The following RGS3 variants were observed in gnomAD, a reference collection of about 807,000 sequenced individuals.
The protein encoded by RGS3 is regulator of G protein signaling 3, also known as regulator of G-protein signalling 3.
A neutral mutation model predicts 132.6 loss-of-function variants in RGS3; 80 were observed. The observed-to-expected ratio is 0.60, with a 90% confidence interval of 0.50 to 0.73. The LOEUF is 0.73. Among genes scored for constraint, RGS3 ranks in the 30% least tolerant of loss-of-function variants. The pLI, the probability that RGS3 is intolerant of heterozygous loss-of-function variation, is 0.00. For synonymous variants in RGS3, 598 were observed against 620.6 expected (o/e 0.96, Z 0.54); for missense variants, 1,382 against 1,530.8 (o/e 0.90, Z 1.62).
At chr9:113,516,105 G>T (rs982640796) in intron 15 of RGS3, among the ~76,000 whole-genome samples, 3 of 152,198 alleles carry the variant, frequency 2.0e-5, no homozygotes, top group Non-Finnish European at 2.9e-5. Flanking sequence ...CTTATCAGCA[G>T]CATAGACATG....
chr9:113,595,571 C>T, intron 23 of RGS3, 28 bp from the exon 22 acceptor site: 2 of 1,608,914 alleles, frequency 1.2e-6, no homozygotes, highest in Non-Finnish European at 1.7e-6. Context: ...GAGTTTGCCT[C>T]TTACCCCAGG....
At chr9:113,593,973 G>A (rs199695671) in intron 21 of RGS3, 75 of 1,612,932 alleles carry the variant, frequency 4.6e-5, no homozygotes, top group African/African-American at 1.2e-4. Flanking sequence ...CTGCCGGGGC[G>A]GCCCCAGAGG....
chr9:113,558,513 A>G (rs192439439), intron 19 of RGS3, among the ~76,000 whole-genome samples: 1 of 152,168 alleles, frequency 6.6e-6, no homozygotes, highest in East Asian at 1.9e-4. Flanking sequence ...TAAAGAAAAA[A>G]AAAAGTCTAG....
chr9:113,498,055 A>G, exon 10 of RGS3: 1 of 1,614,022 alleles, frequency 6.2e-7, no homozygotes, highest in South Asian at 1.1e-5. Context: ...GGAGGTGGGG[A>G]CACTGAGAAT....
chr9:113,493,293 T>C (rs1830580477), intron 7 of RGS3, among the ~76,000 whole-genome samples: 1 of 152,206 alleles, frequency 6.6e-6, no homozygotes, highest in Non-Finnish European at 1.5e-5. Context: ...AAGGGCACTT[T>C]ATTGGGGTGA....
chr9:113,454,164 T>C (rs1588126853), intron 1 of RGS3, among the ~76,000 whole-genome samples: 2 of 152,196 alleles, frequency 1.3e-5, no homozygotes, highest in East Asian at 3.8e-4. Context: ...CTCCTTATTA[T>C]GGTTCATATT....
intron 22 of RGS3, 36 bp from the exon 21 acceptor site, chr9:113,594,883 C>T (rs1325455085): frequency 3.7e-6 from 6 of 1,601,176 alleles, no homozygotes; most frequent in Non-Finnish European, 5.1e-6. Flanking sequence ...CCAAGCCTCT[C>T]AGTGCCCTCA....
At chr9:113,525,894 G>T (rs903224542) in intron 17 of RGS3, among the ~76,000 whole-genome samples, 5 of 152,318 alleles carry the variant, frequency 3.3e-5, no homozygotes, top group Middle Eastern at 3.4e-3. Flanking sequence ...GGAGCTGGGG[G>T]TGCACCTCTC....
At chr9:113,568,142 A>G (rs1477970785) in intron 19 of RGS3, among the ~76,000 whole-genome samples, 1 of 152,264 alleles carries the variant, frequency 6.6e-6, no homozygotes, top group Non-Finnish European at 1.5e-5. Context: ...CTGAGGTGAC[A>G]TGCGACTCAG....
At chr9:113,456,966 T>C (rs1246884074), upstream of RGS3, among the ~76,000 whole-genome samples, 2 of 152,078 alleles carry the variant, frequency 1.3e-5, no homozygotes, top group Non-Finnish European at 2.9e-5. Flanking sequence ...CACTGGCTAA[T>C]TTTGTATTTT....
At chr9:113,577,730 G>A (rs1834597740) in intron 19 of RGS3, among the ~76,000 whole-genome samples, 1 of 152,158 alleles carries the variant, frequency 6.6e-6, no homozygotes, top group African/African-American at 2.4e-5. Flanking sequence ...GCCCCGCCCT[G>A]CCCCTTGAGC....
chr9:113,475,157 C>T (rs1281902274), intron 3 of RGS3, among the ~76,000 whole-genome samples: 1 of 152,190 alleles, frequency 6.6e-6, no homozygotes, highest in East Asian at 1.9e-4. Context: ...TCTATTCTCC[C>T]TTTGGCTCTG....
At chr9:113,486,514 G>A (rs752221512) in intron 7 of RGS3, among the ~76,000 whole-genome samples, 4 of 152,226 alleles carry the variant, frequency 2.6e-5, no homozygotes, top group Non-Finnish European at 5.9e-5. Flanking sequence ...CAGGGGAGGA[G>A]TGCCGGGCAG....
chr9:113,565,322 C>T lies in RGS3; in HGVS notation c.2038-18128C>T. 1 of 1,289,600 alleles carries T rather than the reference C, an allele frequency of 7.8e-7. No individual in the cohort carries two copies. The highest frequency in any genetic ancestry group is 1.2e-5 in the South Asian group (1 of 81,050). 79.9% of individuals were successfully genotyped at this position (1,289,600 alleles called of 1,614,324 possible). A position where few individuals can be genotyped will look rare whatever the true frequency, so the allele number is the denominator to read the frequency against. On this transcript the variant is annotated intron_variant, in intron 19 of 24. Coordinates refer to ENST00000350696, the Ensembl canonical transcript of RGS3. The surrounding 1 kb of genome is among the most constrained non-coding windows in gnomAD (Gnocchi z 5.7). ...TTTCTGTTTAATGGAAGAAAGAAAT[C>T]CAGCCTCTCTCCAGAGTGGCGGTGG...
At chr9:113,467,479 C>T (rs891074349) in intron 3 of RGS3, among the ~76,000 whole-genome samples, 21 of 152,034 alleles carry the variant, frequency 1.4e-4, no homozygotes, top group African/African-American at 4.8e-4. Flanking sequence ...TCCTGATGAC[C>T]CGTGATGTTG....
At chr9:113,467,243 C>T (rs768530979) in intron 3 of RGS3, among the ~76,000 whole-genome samples, 1 of 152,100 alleles carries the variant, frequency 6.6e-6, no homozygotes, top group Non-Finnish European at 1.5e-5. Context: ...ACAGTATATA[C>T]CTAGGAGTAG....
chr9:113,535,834 C>T (rs1383337178), intron 18 of RGS3, among the ~76,000 whole-genome samples: 1 of 152,142 alleles, frequency 6.6e-6, no homozygotes, highest in African/African-American at 2.4e-5. Flanking sequence ...AGCTTGTACT[C>T]CCCTGATGAG....
chr9:113,579,493 A>G lies in RGS3; in HGVS notation c.2038-3957A>G, dbSNP rs1435127987. On this transcript the variant is annotated intron_variant, in intron 19 of 24. Coordinates refer to ENST00000350696, the Ensembl canonical transcript of RGS3. The surrounding 1 kb of genome is among the most constrained non-coding windows in gnomAD (Gnocchi z 4.3). ...CTGGTCCAGCCAAGCCAAAGAAGTG[A>G]TGGATGGGAAAGACACAGACCCCCA... 6.6e-6 allele frequency among the ~76,000 whole-genome samples: 1 copy of G among 152,180 alleles called. No individual in the cohort carries two copies. Among genetic ancestry groups the G allele is most frequent in the Non-Finnish European group, 1.5e-5 (1 of 68,024 alleles).
rs557469179 is a variant in RGS3 at position 113,483,560 on chromosome 9, G to A, written c.525+443G>A. Reference sequence around the variant, plus strand: ...TTGCTGTAAAGACAGGGTCCTTATAGGGGTGGGGCTCTACTTTCAGTGAGA... The same window carrying A: ...TTGCTGTAAAGACAGGGTCCTTATAAGGGTGGGGCTCTACTTTCAGTGAGA... On this transcript the variant is annotated intron_variant, in intron 5 of 24. Coordinates refer to ENST00000350696, the Ensembl canonical transcript of RGS3. Among the ~76,000 whole-genome samples the A allele has an allele frequency of 7.2e-5, 11 of 152,312 alleles. No homozygotes were observed. In the South Asian group the frequency reaches 1.7e-3, roughly 23 times the overall value.
Sources: allele counts gnomAD v4.1 joint callset (sites outside exome capture counted in the v4.1 genomes callset), GRCh38; gene constraint gnomAD v4.1.1; non-coding constraint Gnocchi (gnomAD v3.1); transcripts MANE v1.5; gene names NCBI Gene and HGNC (gene_info 2026-07-23, HGNC 2026-07-21).